PDE7B: variants seen among roughly 807,000 people sequenced by gnomAD.
PDE7B encodes 3',5'-cyclic-AMP phosphodiesterase 7B.
A neutral mutation model predicts 56.2 loss-of-function variants in PDE7B; 29 were observed. The observed-to-expected ratio is 0.52, with a 90% CI of 0.38 to 0.70. The LOEUF is 0.70. PDE7B is among the 30% of genes least tolerant of loss of function. The pLI is 0.00. For missense variants in PDE7B, 490 were observed against 565.0 expected (o/e 0.87, Z 1.35); for synonymous variants, 197 against 196.9 (o/e 1.00, Z 0.00).
chr6:136,042,014 G>A (rs1423993917), intron 2 of PDE7B, among the ~76,000 whole-genome samples: 2 of 152,212 alleles, frequency 1.3e-5, no homozygotes, highest in Non-Finnish European at 2.9e-5. Flanking sequence ...GGGGCAAAAT[G>A]AGAACTCATG....
intron 3 of PDE7B, among the ~76,000 whole-genome samples, chr6:136,125,480 C>T (rs887441716): frequency 2.0e-5 from 3 of 152,098 alleles, no homozygotes; most frequent in African/African-American, 7.2e-5. Context: ...GGGAAGATCA[C>T]TTAAATCCAG....
chr6:135,961,185 A>G (rs891193365), intron 2 of PDE7B, among the ~76,000 whole-genome samples: 1 of 152,096 alleles, frequency 6.6e-6, no homozygotes, highest in African/African-American at 2.4e-5. Context: ...TTTTGTGCAA[A>G]AAATTACACA....
chr6:136,057,327 G>A (rs761239882), intron 2 of PDE7B, among the ~76,000 whole-genome samples: 3 of 152,190 alleles, frequency 2.0e-5, no homozygotes, highest in East Asian at 1.9e-4. Flanking sequence ...AAAAGTCATA[G>A]AACAGACTTT....
chr6:136,129,590 C>G (rs972567584), intron 3 of PDE7B, among the ~76,000 whole-genome samples: 4 of 152,212 alleles, frequency 2.6e-5, no homozygotes, highest in Admixed American at 6.5e-5. Context: ...TCTCCAGGAG[C>G]AGAAGCTGTA....
At chr6:136,166,995 G>A (rs561618174) in intron 8 of PDE7B, among the ~76,000 whole-genome samples, 57 of 152,142 alleles carry the variant, frequency 3.7e-4, no homozygotes, top group African/African-American at 1.2e-3. Context: ...CCCCTCTCTC[G>A]CTGTGCATTG....
intron 2 of PDE7B, among the ~76,000 whole-genome samples, chr6:136,055,073 C>G (rs1776706924): frequency 6.6e-6 from 1 of 152,162 alleles, no homozygotes; most frequent in Admixed American, 6.5e-5. Context: ...GTAAAACTGT[C>G]CAGGTGGCTC....
chr6:136,055,012 G>A (rs902132774), intron 2 of PDE7B, among the ~76,000 whole-genome samples: 2 of 152,130 alleles, frequency 1.3e-5, no homozygotes, highest in Non-Finnish European at 2.9e-5. Context: ...TACAATTCAA[G>A]GTGAGAGCCA....
chr6:135,875,116 A>G (rs1775467445), intron 1 of PDE7B, among the ~76,000 whole-genome samples: 2 of 151,834 alleles, frequency 1.3e-5, no homozygotes, highest in South Asian at 4.2e-4. Flanking sequence ...CTGTGAGTGC[A>G]TATTCTTGGT....
At chr6:136,002,497 T>C (rs747260197) in intron 2 of PDE7B, among the ~76,000 whole-genome samples, 11 of 151,902 alleles carry the variant, frequency 7.2e-5, no homozygotes, top group Non-Finnish European at 1.3e-4. Flanking sequence ...AATAAAAGGA[T>C]AGAGGAAGAT....
At chr6:135,954,972 C>A (rs1774763395) in intron 2 of PDE7B, among the ~76,000 whole-genome samples, 1 of 152,052 alleles carries the variant, frequency 6.6e-6, no homozygotes, top group Non-Finnish European at 1.5e-5. Context: ...TCCAAACTAT[C>A]AGAACTGAAG....
intron 2 of PDE7B, chr6:135,993,098 A>G (rs1775503277): frequency 6.6e-6 from 1 of 152,234 alleles, no homozygotes; most frequent in African/African-American, 2.4e-5. Context: ...CGTCCTCTGC[A>G]GTCTGGTCAA....
chr6:135,998,841 CA>C (rs200627237), intron 2 of PDE7B, among the ~76,000 whole-genome samples: 1,530 of 151,118 alleles, frequency 0.01, 17 homozygotes, highest in Middle Eastern at 0.034. Flanking sequence ...CTTTTTCCAT[CA>C]CTGACTTAAA....
At chr6:136,155,021 T>C (rs1562507987) in intron 7 of PDE7B, among the ~76,000 whole-genome samples, 1 of 152,202 alleles carries the variant, frequency 6.6e-6, no homozygotes, top group Non-Finnish European at 1.5e-5. Context: ...GTCTAAACAT[T>C]GTACTATGTC....
At chr6:135,870,634 C>G (rs142677212) in intron 1 of PDE7B, among the ~76,000 whole-genome samples, 1 of 151,234 alleles carries the variant, frequency 6.6e-6, no homozygotes, top group Non-Finnish European at 1.5e-5. Context: ...TAGGGAAGAT[C>G]GAGGGAGGAT....
intron 2 of PDE7B, among the ~76,000 whole-genome samples, chr6:136,052,964 C>A (rs1776658566): frequency 6.6e-6 from 1 of 152,160 alleles, no homozygotes. Flanking sequence ...CAAGCTGGGT[C>A]CTATCCCATT....
chr6:136,038,229 ACAGCAGCAGCAG>A (rs749880317), intron 2 of PDE7B: 1 of 1,288,222 alleles, frequency 7.8e-7, no homozygotes, highest in East Asian at 5.5e-5. Context: ...AGCAGCAGCA[ACAGCAGCAGCAG>A]CAGCAGCACC....
intron 3 of PDE7B, among the ~76,000 whole-genome samples, chr6:136,140,027 A>C (rs569352186): frequency 3.2e-4 from 49 of 152,268 alleles, no homozygotes; most frequent in Middle Eastern, 6.8e-3. Context: ...TTGGTGTTTT[A>C]GACATGAAGT....
chr6:135,880,485 G>A (rs1392174236), intron 1 of PDE7B, among the ~76,000 whole-genome samples: 1 of 152,148 alleles, frequency 6.6e-6, no homozygotes, highest in Non-Finnish European at 1.5e-5. Context: ...TGTATGTGTA[G>A]AACTAAGGAA....
chr6:135,964,087 G>A (rs1310320177), intron 2 of PDE7B, among the ~76,000 whole-genome samples: 1 of 151,758 alleles, frequency 6.6e-6, no homozygotes, highest in Non-Finnish European at 1.5e-5. Flanking sequence ...AACATAAAAA[G>A]CTTTTTCTGG....
Sources: gnomAD v4.1 joint callset for allele counts (sites outside exome capture counted in the v4.1 genomes callset) on GRCh38, gnomAD v4.1.1 for gene constraint, MANE v1.5 for transcripts, NCBI Gene and HGNC (gene_info 2026-07-23, HGNC 2026-07-21) for gene names.